Variants in KLF3 observed in about 807,000 individuals in gnomAD.
KLF3 encodes the protein Krueppel-like factor 3.
In KLF3, 6 loss-of-function variants were observed where a neutral mutation model predicts 32.7. The ratio of observed to expected loss-of-function variants is 0.18; its 90% confidence interval spans 0.10 to 0.36. The LOEUF (loss-of-function observed/expected upper bound fraction) is 0.36. KLF3 is among the 10% of genes least tolerant of loss of function. The pLI is 1.00. For synonymous variants in KLF3, 145 were observed against 172.8 expected, an observed-to-expected ratio of 0.84 and a Z score of 1.26; for missense variants, 338 against 449.7, an observed-to-expected ratio of 0.75 and a Z score of 2.25.
At position 38,699,305 on chromosome 4, in the gene KLF3, A is replaced by T. The variant is rs1034895795; in HGVS notation, c.*2042A>T. 1 of 152,048 alleles carries T rather than the reference A, an allele frequency of 6.6e-6. No individual in the cohort carries two copies. Among genetic ancestry groups the T allele is most frequent in the Non-Finnish European group, 1.5e-5 (1 of 68,040 alleles). 9.4% of individuals were successfully genotyped at this position (152,048 alleles called of 1,614,324 possible). A position where few individuals can be genotyped will look rare whatever the true frequency, so the allele number is the denominator to read the frequency against. Reference sequence around the variant, plus strand: ...GCTGAAGTTTTTCTTTTTTGCAACTATGACATGAATTGAGTGATAAAATGG... The same window carrying T: ...GCTGAAGTTTTTCTTTTTTGCAACTTTGACATGAATTGAGTGATAAAATGG... On this transcript the variant is annotated 3_prime_UTR_variant, in exon 6 of 6. Transcript: ENST00000261438.
At position 38,698,845 on chromosome 4, in the gene KLF3, ATTCC is replaced by A. The variant is rs1441579322; in HGVS notation, c.*1583_*1586del. On this transcript the variant is annotated 3_prime_UTR_variant, in exon 6 of 6. Transcript: ENST00000261438. ...GTTAAATGTGGGTGCATATAACCAA[ATTCC>A]CCTTCATCAAGAATGGAGGAGAAGA... The A allele has an allele frequency of 2.0e-5, 3 of 152,226 alleles. No individual in the cohort carries two copies. Among genetic ancestry groups the A allele is most frequent in the East Asian group, 3.8e-4 (2 of 5,208 alleles). The allele number at this position is 152,226 out of a possible 1,614,324, so 9.4% of individuals were successfully genotyped here.
intron 1 of KLF3, among the ~76,000 whole-genome samples, chr4:38,668,452 A>G (rs1239417053): frequency 2.0e-5 from 3 of 152,154 alleles, no homozygotes; most frequent in Admixed American, 2.0e-4. Flanking sequence ...TGCGTTTTAA[A>G]TGTCACATTC....
chr4:38,694,892 G>C lies in KLF3; in HGVS notation c.842G>C (p.Arg281Thr). The C allele has an allele frequency of 2.5e-6, 4 of 1,604,828 alleles. No individual in the cohort carries two copies. The highest frequency in any genetic ancestry group is 3.4e-6 in the Non-Finnish European group (4 of 1,176,944). Residue 281 changes from arginine to threonine, a missense_variant, in exon 5 of 6, where the codon AGA (arginine) becomes ACA (threonine). Physicochemically the swap from Arg to Thr is moderately conservative, Grantham distance 71. Transcript: ENST00000261438. ...YTKSSHLKAH[R>T]RTHTGEKPYK... Reference sequence around the variant, plus strand: ...AAAAGCTCCCACTTGAAAGCACACAGAAGAACACACACAGGTAATAGAAAC... The same window carrying C: ...AAAAGCTCCCACTTGAAAGCACACACAAGAACACACACAGGTAATAGAAAC...
rs1183012335 is a variant in KLF3 at position 38,697,254 on chromosome 4, G to A, written c.1029G>A (p.Met343Ile). 2 of 1,609,248 alleles carry A rather than the reference G, an allele frequency of 1.2e-6. No individual in the cohort carries two copies. Among genetic ancestry groups the A allele is most frequent in the Non-Finnish European group, 1.7e-6 (2 of 1,177,106 alleles). ...TTGCCCTCCATAGGAAACGCCACAT[G>A]CTAGTCTGATTGCCTCTGTGTCCTG... The part of the protein sequence containing the change: ...DHLALHRKRH[M>I]LV The change falls in exon 6 of 6, where the codon ATG becomes ATA. Residue 343 changes from methionine (M) to isoleucine (I), a missense_variant. Coordinates refer to ENST00000261438, the MANE Select transcript of KLF3 (RefSeq NM_016531.6).
chr4:38,681,589 T>C (rs1722527058), intron 2 of KLF3, among the ~76,000 whole-genome samples: 1 of 152,164 alleles, frequency 6.6e-6, no homozygotes, highest in South Asian at 2.1e-4. Context: ...ACAACACCAG[T>C]GCCATGAAGG....
At position 38,698,128 on chromosome 4, in the gene KLF3, A is replaced by G. The variant is rs1312846473; in HGVS notation, c.*865A>G. The G allele has an allele frequency of 6.6e-6, 1 of 152,232 alleles. No homozygotes were observed. Among genetic ancestry groups the G allele is most frequent in the Non-Finnish European group, 1.5e-5 (1 of 68,044 alleles). The allele number at this position is 152,232 out of a possible 1,614,324, so 9.4% of individuals were successfully genotyped here. A position where few individuals can be genotyped will look rare whatever the true frequency, so the allele number is the denominator to read the frequency against. ...CTTTGTAGAACCATGCTGCAAAGCCATATACCGATGGGGTTATCCATGCAA... is the reference window on the plus strand; with the variant it reads ...CTTTGTAGAACCATGCTGCAAAGCCGTATACCGATGGGGTTATCCATGCAA... On this transcript the variant is annotated 3_prime_UTR_variant, in exon 6 of 6. Transcript: ENST00000261438.
chr4:38,679,450 AAAT>A (rs1443274013), intron 1 of KLF3, among the ~76,000 whole-genome samples: 1 of 152,234 alleles, frequency 6.6e-6, no homozygotes, highest in East Asian at 1.9e-4. Flanking sequence ...TTATTAATGA[AAAT>A]AATAGTTCGT....
intron 5 of KLF3, among the ~76,000 whole-genome samples, chr4:38,696,143 A>G (rs998373326): frequency 2.0e-5 from 3 of 150,600 alleles, no homozygotes; most frequent in African/African-American, 7.3e-5. Flanking sequence ...TCCAGCCTAA[A>G]ATTAAAAGGA....
intron 1 of KLF3, among the ~76,000 whole-genome samples, chr4:38,679,066 T>C (rs1722440327): frequency 6.6e-6 from 1 of 151,710 alleles, no homozygotes; most frequent in Admixed American, 6.6e-5. Context: ...CAGAAGAAAA[T>C]AGAAGGGATG....
rs1192409633 is a variant in KLF3, at chr4:38,699,826, A to T, written c.*2563A>T. ...CTTACCAAACTTTTCTTATATATAT[A>T]TTTGTATTTTACTATGATAGTTGAG... On this transcript the variant is annotated 3_prime_UTR_variant, in exon 6 of 6. Transcript: ENST00000261438. 2.0e-5 allele frequency: 3 copies of T among 152,054 alleles called. No individual in the cohort carries two copies. Among genetic ancestry groups the T allele is most frequent in the Non-Finnish European group, 2.9e-5 (2 of 68,008 alleles). The allele number at this position is 152,054 out of a possible 1,614,324, so 9.4% of individuals were successfully genotyped here.
chr4:38,680,402 C>T (rs376096015), intron 1 of KLF3, among the ~76,000 whole-genome samples, 185 bp from the exon 2 acceptor site: 1 of 151,824 alleles, frequency 6.6e-6, no homozygotes, highest in African/African-American at 2.4e-5. Context: ...TTAGTGGAGA[C>T]GGGGTTTCAC....
chr4:38,681,657 G>A (rs1250277234), intron 2 of KLF3, among the ~76,000 whole-genome samples: 1 of 152,218 alleles, frequency 6.6e-6, no homozygotes, highest in Non-Finnish European at 1.5e-5. Flanking sequence ...GTTTCAACTT[G>A]AGGATTCTGG....
chr4:38,689,999 T>G, intron 4 of KLF3, 120 bp downstream of exon 4: 1 of 964,924 alleles, frequency 1.0e-6, no homozygotes, highest in Non-Finnish European at 1.5e-6. Context: ...GCTTGTGATC[T>G]GTGGCCGCCA....
chr4:38,678,196 C>G lies in KLF3; in HGVS notation c.-39-2391C>G, dbSNP rs1445665673. Among the ~76,000 whole-genome samples the G allele has an allele frequency of 2.6e-5, 4 of 151,982 alleles. No homozygotes were observed. The East Asian group carries it at 7.7e-4, about 29-fold the overall frequency. Reference sequence around the variant, plus strand: ...GGGAGGCTGCCACAGGGTGACCAGCCGTGAGTCAGGGCTGCTAAATGATCT... The same window carrying G: ...GGGAGGCTGCCACAGGGTGACCAGCGGTGAGTCAGGGCTGCTAAATGATCT... On this transcript the variant is annotated intron_variant, in intron 1 of 5. Transcript: ENST00000261438.
intron 1 of KLF3, among the ~76,000 whole-genome samples, chr4:38,673,152 A>G (rs116100353): frequency 0.03 from 4,620 of 152,330 alleles, 231 homozygotes; most frequent in African/African-American, 0.11. Flanking sequence ...TCAGGAGCAG[A>G]GGAATGATCA....
At chr4:38,672,108 G>A (rs1261568101) in intron 1 of KLF3, among the ~76,000 whole-genome samples, 2 of 152,168 alleles carry the variant, frequency 1.3e-5, no homozygotes, top group Non-Finnish European at 2.9e-5. Flanking sequence ...TTTTCCTTAG[G>A]AAGTTTGGTT....
chr4:38,689,658 A>G, intron 3 of KLF3, 71 bp from the exon 4 acceptor site: 1 of 1,077,924 alleles, frequency 9.3e-7, no homozygotes, highest in Non-Finnish European at 1.4e-6. Flanking sequence ...GGTAGGAGCT[A>G]TGCAGTAAGC....
At chr4:38,695,566 G>A (rs1723024701) in intron 5 of KLF3, among the ~76,000 whole-genome samples, 1 of 152,142 alleles carries the variant, frequency 6.6e-6, no homozygotes, top group Admixed American at 6.5e-5. Flanking sequence ...ACATCTTAAG[G>A]AAATAATACA....
At chr4:38,664,907 C>T (rs1298329064) in intron 1 of KLF3, 1 of 151,844 alleles carries the variant, frequency 6.6e-6, no homozygotes, top group East Asian at 2.0e-4. Flanking sequence ...GCCGCGGCCG[C>T]GCGCTCCTGC....
Sources: allele counts gnomAD v4.1 joint callset (sites outside exome capture counted in the v4.1 genomes callset), GRCh38; gene constraint gnomAD v4.1.1; transcripts MANE v1.5; gene names NCBI Gene and HGNC (gene_info 2026-07-23, HGNC 2026-07-21).